Variants in EFR3B observed in about 807,000 individuals in gnomAD.
The protein encoded by EFR3B is protein EFR3 homolog B.
In EFR3B, 64 loss-of-function variants were observed where a neutral mutation model predicts 104.7. The observed-to-expected ratio is 0.61, with a 90% CI of 0.50 to 0.75. The LOEUF (loss-of-function observed/expected upper bound fraction) is 0.75. EFR3B is among the 30% of genes least tolerant of loss of function. The pLI, the probability that EFR3B is intolerant of heterozygous loss-of-function variation, is 0.00. For synonymous variants in EFR3B, 385 were observed against 417.9 expected (o/e 0.92, Z 0.96); for missense variants, 750 against 1,078.5 (o/e 0.70, Z 4.27).
At chr2:25,128,783 C>T (rs1418635334) in intron 6 of EFR3B, among the ~76,000 whole-genome samples, 2 of 151,138 alleles carry the variant, frequency 1.3e-5, no homozygotes, top group African/African-American at 4.9e-5. Flanking sequence ...ACGATGAAAC[C>T]GCGTCTCTAC....
intron 12 of EFR3B, among the ~76,000 whole-genome samples, 188 bp from the exon 13 acceptor site, chr2:25,135,279 G>A (rs1670488334): frequency 6.6e-6 from 1 of 152,180 alleles, no homozygotes; most frequent in South Asian, 2.1e-4. Context: ...ACTGAGCTCG[G>A]TGTCATCTAG....
chr2:25,060,373 A>G (rs562372630), intron 1 of EFR3B, among the ~76,000 whole-genome samples: 32 of 152,278 alleles, frequency 2.1e-4, no homozygotes, highest in African/African-American at 7.7e-4. Flanking sequence ...GTGTCTGTAA[A>G]AGGAGACTTA....
At position 25,129,999 on chromosome 2, in the gene EFR3B, A is replaced by C. The variant is rs1271739835; in HGVS notation, c.660A>C (p.Ala220=). 6.4e-6 allele frequency: 10 copies of C among 1,551,438 alleles called. No homozygotes were observed. Among genetic ancestry groups the C allele is most frequent in the Non-Finnish European group, 8.7e-7 (1 of 1,147,010 alleles). Residue 220 remains alanine, a synonymous_variant, in exon 7 of 23, where the codon GCA becomes GCC. Transcript: ENST00000403714. ...GCCGGTCTCCCTCACCCCTCCAAGC[A>C]CCTGAGAAGGAGAAAGAGAGCCCCG... ...AESRSPSPLQ[A]PEKEKESPAE...
chr2:25,082,092 C>T (rs1024056393), intron 1 of EFR3B, among the ~76,000 whole-genome samples: 1 of 152,224 alleles, frequency 6.6e-6, no homozygotes, highest in Non-Finnish European at 1.5e-5. Flanking sequence ...AGGGGTCCTG[C>T]GTCCTCTGTC....
chr2:25,104,601 G>A (rs967130151), intron 4 of EFR3B, among the ~76,000 whole-genome samples: 2 of 152,204 alleles, frequency 1.3e-5, no homozygotes, highest in Admixed American at 6.5e-5. Flanking sequence ...CACTCAGCAC[G>A]CTATGGGGGC....
At chr2:25,049,090 T>C (rs966378153) in intron 1 of EFR3B, among the ~76,000 whole-genome samples, 3 of 152,278 alleles carry the variant, frequency 2.0e-5, no homozygotes, top group African/African-American at 7.2e-5. Flanking sequence ...TATTGTTCAA[T>C]TGCTTTCAGT....
rs944857682 is a variant in EFR3B at position 25,139,316 on chromosome 2, C to A, written c.1854+126C>A. On this transcript the variant is annotated intron_variant, in intron 16 of 22. Transcript: ENST00000403714. ...AGTGAAGACAGGGTTGAAGTAAGAA[C>A]CACTAATGGTGAGAAGTTACTCGTG... 12 of 1,216,566 alleles carry A rather than the reference C, an allele frequency of 9.9e-6. No homozygotes were observed. In the East Asian group the frequency reaches 2.9e-4, roughly 30 times the overall value. 75.4% of individuals were successfully genotyped at this position (1,216,566 alleles called of 1,614,324 possible).
chr2:25,142,462 A>G (rs959376930), intron 17 of EFR3B, among the ~76,000 whole-genome samples: 7 of 150,142 alleles, frequency 4.7e-5, no homozygotes, highest in African/African-American at 1.5e-4. Context: ...AAAAAAAAAA[A>G]AAATTAGGCC....
At chr2:25,133,500 G>C in intron 12 of EFR3B, 66 bp downstream of exon 12, 2 of 1,484,710 alleles carry the variant, frequency 1.3e-6, no homozygotes, top group South Asian at 2.4e-5. Flanking sequence ...AAGGGACCAA[G>C]TGAAGGCCTC....
chr2:25,126,651 C>T (rs1013802944), intron 5 of EFR3B, among the ~76,000 whole-genome samples: 3 of 151,798 alleles, frequency 2.0e-5, no homozygotes, highest in South Asian at 2.1e-4. Flanking sequence ...TGAGTCACCG[C>T]GCCCGGCCTA....
chr2:25,046,768 G>A (rs1667732356), intron 1 of EFR3B, among the ~76,000 whole-genome samples: 1 of 152,120 alleles, frequency 6.6e-6, no homozygotes, highest in South Asian at 2.1e-4. Flanking sequence ...CTCCCAAAGT[G>A]CTGGGATTAC....
chr2:25,077,604 A>G (rs933921462), intron 1 of EFR3B, among the ~76,000 whole-genome samples: 2 of 152,236 alleles, frequency 1.3e-5, no homozygotes, highest in Non-Finnish European at 2.9e-5. Flanking sequence ...GCCTTCAGTA[A>G]GAAAGTAAGT....
In EFR3B at chr2:25,158,675, G is replaced by A. The variant is rs1671238694; in HGVS notation, c.*4335G>A. The A allele has an allele frequency of 6.6e-6, 1 of 152,194 alleles. No homozygotes were observed. Among genetic ancestry groups the A allele is most frequent in the Non-Finnish European group, 1.5e-5 (1 of 68,058 alleles). The allele number at this position is 152,194 out of a possible 1,614,324, so 9.4% of individuals were successfully genotyped here. On this transcript the variant is annotated 3_prime_UTR_variant, in exon 23 of 23. Coordinates refer to ENST00000403714, the MANE Select transcript of EFR3B (RefSeq NM_014971.2). ...TGCTCCCTTTAGCCCCAGCCTGGCT[G>A]GCCAGGTCTCCTGTACTTCAGGGGA...
intron 1 of EFR3B, among the ~76,000 whole-genome samples, chr2:25,087,482 ATT>A (rs1191959079): frequency 7.9e-5 from 11 of 139,828 alleles, no homozygotes; most frequent in Non-Finnish European, 9.4e-5. Flanking sequence ...GAAGAGCAGG[ATT>A]TTTTTTTTTT....
intron 1 of EFR3B, among the ~76,000 whole-genome samples, chr2:25,047,544 G>GCT (rs1667756266): frequency 6.6e-6 from 1 of 151,906 alleles, no homozygotes; most frequent in Non-Finnish European, 1.5e-5. Flanking sequence ...TGTTGCCCAG[G>GCT]CTGGAGTGCA....
At chr2:25,044,678 C>T (rs1299880255) in intron 1 of EFR3B, among the ~76,000 whole-genome samples, 1 of 152,112 alleles carries the variant, frequency 6.6e-6, no homozygotes, top group Non-Finnish European at 1.5e-5. Flanking sequence ...GAGAGGCCCC[C>T]CTATGGAGCC....
At chr2:25,064,464 C>T (rs899884550) in intron 1 of EFR3B, among the ~76,000 whole-genome samples, 19 of 152,276 alleles carry the variant, frequency 1.2e-4, no homozygotes, top group South Asian at 6.2e-4. Flanking sequence ...GCCTGCTGAC[C>T]ACAATAGGAA....
intron 1 of EFR3B, among the ~76,000 whole-genome samples, chr2:25,052,846 TTGTC>T: frequency 1.3e-5 from 2 of 152,246 alleles, no homozygotes; most frequent in Middle Eastern, 6.8e-3. Flanking sequence ...GGGGATAAAT[TTGTC>T]TGTACTAAGC....
chr2:25,090,026 C>T (rs1274133655), intron 1 of EFR3B, among the ~76,000 whole-genome samples: 5 of 151,308 alleles, frequency 3.3e-5, no homozygotes, highest in Non-Finnish European at 7.4e-5. Context: ...TCAAAACTCC[C>T]AAAGAACTCT....
Sources: allele counts gnomAD v4.1 joint callset (sites outside exome capture counted in the v4.1 genomes callset), GRCh38; gene constraint gnomAD v4.1.1; transcripts MANE v1.5; gene names NCBI Gene and HGNC (gene_info 2026-07-23, HGNC 2026-07-21).